The following SSH2 variants were observed in gnomAD, a reference collection of about 807,000 sequenced individuals.
The protein encoded by SSH2 is slingshot protein phosphatase 2.
A neutral mutation model predicts 135.2 loss-of-function variants in SSH2; 37 were observed. The observed-to-expected ratio is 0.27, with a 90% CI of 0.21 to 0.36. The LOEUF (loss-of-function observed/expected upper bound fraction) is 0.36. Among genes scored for constraint, SSH2 ranks in the 10% least tolerant of loss-of-function variants. SSH2 has a pLI of 1.00. For synonymous variants in SSH2, 628 were observed against 646.2 expected (o/e 0.97, Z 0.43); for missense variants, 1,408 against 1,765.3 (o/e 0.80, Z 3.63).
chr17:29,677,545 CT>C lies in SSH2; in HGVS notation c.548+127del, dbSNP rs566063819. 240 of 753,190 alleles carry C rather than the reference CT, an allele frequency of 3.2e-4. No homozygotes were observed. The African/African-American group carries it at 3.9e-3, about 12-fold the overall frequency. The allele number at this position is 753,190 out of a possible 1,614,324, so 46.7% of individuals were successfully genotyped here. ...TTTACAAAACAGGAGTTTAAAAGGACTCATTCAGCTGTTGACATGAAAGTTC... is the reference window on the plus strand; with the variant it reads ...TTTACAAAACAGGAGTTTAAAAGGACCATTCAGCTGTTGACATGAAAGTTC... On this transcript the variant is annotated intron_variant, in intron 7 of 15. Coordinates refer to ENST00000540801, the MANE Select transcript of SSH2 (RefSeq NM_001282129.2).
At chr17:29,671,243 A>G (rs1443598567) in intron 9 of SSH2, among the ~76,000 whole-genome samples, 2 of 152,180 alleles carry the variant, frequency 1.3e-5, no homozygotes, top group Admixed American at 6.5e-5. Flanking sequence ...GCACTTTGGT[A>G]GGCCGAGGCA....
At chr17:29,920,502 T>C (rs529882349) in intron 1 of SSH2, among the ~76,000 whole-genome samples, 5 of 152,358 alleles carry the variant, frequency 3.3e-5, no homozygotes, top group South Asian at 2.1e-4. Flanking sequence ...GGAACTTCTA[T>C]GGAACACCTT....
intron 3 of SSH2, among the ~76,000 whole-genome samples, chr17:29,767,315 C>A (rs1046286924): frequency 1.3e-5 from 2 of 151,862 alleles, no homozygotes; most frequent in Non-Finnish European, 2.9e-5. Flanking sequence ...ACATCAAACA[C>A]ACTTTACAAA....
chr17:29,848,730 G>A (rs2065491533), intron 2 of SSH2, 119 bp downstream of exon 2: 2 of 624,676 alleles, frequency 3.2e-6, no homozygotes, highest in South Asian at 2.3e-5. Context: ...ACATTTGGCT[G>A]AATGGGGTCA....
intron 2 of SSH2, among the ~76,000 whole-genome samples, chr17:29,842,144 C>T (rs559603404): frequency 8.2e-6 from 1 of 121,836 alleles, no homozygotes; most frequent in South Asian, 2.8e-4. Flanking sequence ...CTGGAGGAGA[C>T]CCTGTTATTA....
chr17:29,771,846 T>A (rs1464875173), intron 3 of SSH2, among the ~76,000 whole-genome samples: 1 of 152,148 alleles, frequency 6.6e-6, no homozygotes, highest in Admixed American at 6.6e-5. Context: ...TGTATCAACT[T>A]CCCTGGCCAT....
intron 2 of SSH2, among the ~76,000 whole-genome samples, chr17:29,842,478 CA>C (rs2043060483): frequency 7.3e-6 from 1 of 136,872 alleles, no homozygotes; most frequent in African/African-American, 2.5e-5. Flanking sequence ...AAAAGATCAT[CA>C]GGTGATTCTA....
intron 14 of SSH2, among the ~76,000 whole-genome samples, chr17:29,638,104 A>T (rs1390080388): frequency 6.6e-6 from 1 of 152,122 alleles, no homozygotes; most frequent in Non-Finnish European, 1.5e-5. Flanking sequence ...ACACAGCGAG[A>T]CTCCATCTCA....
intron 3 of SSH2, among the ~76,000 whole-genome samples, chr17:29,740,203 C>G (rs1301157649): frequency 6.6e-6 from 1 of 152,158 alleles, no homozygotes; most frequent in Non-Finnish European, 1.5e-5. Flanking sequence ...GAGCTGCGGG[C>G]AGAGATCCGA....
At chr17:29,853,159 T>C (rs2065596572) in intron 1 of SSH2, among the ~76,000 whole-genome samples, 1 of 148,394 alleles carries the variant, frequency 6.7e-6, no homozygotes, top group African/African-American at 2.5e-5. Flanking sequence ...CGATCTCTGC[T>C]CACTGCAGCC....
intron 3 of SSH2, among the ~76,000 whole-genome samples, chr17:29,773,523 T>C (rs188964233): frequency 6.6e-6 from 1 of 152,326 alleles, no homozygotes; most frequent in African/African-American, 2.4e-5. Context: ...AATACTAATC[T>C]TCAACATCTT....
In SSH2 at chr17:29,631,573, C is replaced by G; in HGVS notation, c.3621G>C (p.Gln1207His). Residue 1207 changes from glutamine (Q) to histidine (H), a missense_variant, in exon 16 of 16, where the codon CAG becomes CAC. By Grantham distance (24) the Gln-to-His change is conservative. Around this residue, in one of 3 missense-constraint regions of SSH2, gnomAD observed 1,080 missense variants for 1,144.5 expected, o/e 0.94. Transcript: ENST00000540801. ...TTAAACTTAGGTCTGCGCTACTTAG[C>G]TGGGAGTCCTTATATGGCACCTCAC... is the stretch of plus-strand genomic sequence containing the variant. ...SGSEVPYKDS[Q>H]LSSADLSLIS... 6.2e-7 allele frequency: 1 copy of G among 1,614,154 alleles called. No homozygotes were observed. The highest frequency in any genetic ancestry group is 8.5e-7 in the Non-Finnish European group (1 of 1,180,028).
rs369676460 is a variant in SSH2 at position 29,695,580 on chromosome 17, G to A, written c.293-57C>T. The stretch of plus-strand genomic sequence containing the variant: ...TTCTCCATTCTAATGTTGACAGAGA[G>A]GATTCCTTCTACTTTAGTGACTTTT... On this transcript the variant is annotated intron_variant, in intron 4 of 15. Coordinates refer to ENST00000540801, the MANE Select transcript of SSH2 (RefSeq NM_001282129.2). The A allele has an allele frequency of 1.1e-5, 16 of 1,467,192 alleles. 1 individual carries two copies. The African/African-American group carries it at 2.0e-4, about 18-fold the overall frequency. 90.9% of individuals were successfully genotyped at this position (1,467,192 alleles called of 1,614,324 possible).
chr17:29,712,862 A>T (rs1366060212), intron 3 of SSH2, among the ~76,000 whole-genome samples: 1 of 152,182 alleles, frequency 6.6e-6, no homozygotes, highest in Non-Finnish European at 1.5e-5. Flanking sequence ...ATATCAACTG[A>T]AGCCCAGAGA....
At chr17:29,785,617 A>G (rs1239655295) in intron 3 of SSH2, among the ~76,000 whole-genome samples, 1 of 147,508 alleles carries the variant, frequency 6.8e-6, no homozygotes, top group African/African-American at 2.5e-5. Flanking sequence ...CTCCTGCCTC[A>G]GCCTCCTGAG....
chr17:29,921,873 T>C (rs1209437344), intron 1 of SSH2, among the ~76,000 whole-genome samples: 2 of 152,204 alleles, frequency 1.3e-5, no homozygotes, highest in African/African-American at 4.8e-5. Context: ...TTTTGAGCTC[T>C]GATAATACAA....
At chr17:29,755,287 T>C (rs913092606) in intron 3 of SSH2, among the ~76,000 whole-genome samples, 4 of 152,240 alleles carry the variant, frequency 2.6e-5, no homozygotes, top group African/African-American at 4.8e-5. Flanking sequence ...GAGTTGCTCA[T>C]ATATATTTTT....
At chr17:29,903,290 A>G (rs1163236380) in intron 1 of SSH2, among the ~76,000 whole-genome samples, 1 of 148,012 alleles carries the variant, frequency 6.8e-6, no homozygotes, top group East Asian at 1.9e-4. Flanking sequence ...TTTAAAATAT[A>G]TATATATAAA....
chr17:29,913,641 CTT>C (rs921310648), intron 1 of SSH2, among the ~76,000 whole-genome samples: 1 of 145,300 alleles, frequency 6.9e-6, no homozygotes, highest in Non-Finnish European at 1.5e-5. Flanking sequence ...TTTCTTTTTT[CTT>C]TTTTTTTTGA....
Sources: allele counts gnomAD v4.1 joint callset (sites outside exome capture counted in the v4.1 genomes callset), GRCh38; gene constraint gnomAD v4.1.1; regional missense constraint gnomAD v4.1.1; transcripts MANE v1.5; gene names NCBI Gene and HGNC (gene_info 2026-07-23, HGNC 2026-07-21).